The following ZNG1A variants were observed in gnomAD, a reference collection of about 807,000 sequenced individuals.
ZNG1A encodes zinc-regulated GTPase metalloprotein activator 1A.
chr9:176,955 G>C, the ZNG1A span, among the ~76,000 whole-genome samples: 35 of 152,226 alleles, frequency 2.3e-4, no homozygotes, highest in Non-Finnish European at 2.4e-4. Flanking sequence ...CCTTCATAGA[G>C]CTTAGAAATA....
chr9:135,181 C>T, the ZNG1A span: 6 of 1,469,242 alleles, frequency 4.1e-6, no homozygotes, highest in African/African-American at 5.9e-5. Flanking sequence ...TCGCAAATTC[C>T]AATAGAGAAA....
At chr9:149,740 A>T in the ZNG1A span, among the ~76,000 whole-genome samples, 3 of 150,262 alleles carry the variant, frequency 2.0e-5, no homozygotes, top group African/African-American at 7.5e-5. Context: ...TGTCAAATTA[A>T]TTTAACTTAT....
the ZNG1A span, among the ~76,000 whole-genome samples, chr9:173,873 G>A: frequency 1.3e-5 from 2 of 152,114 alleles, no homozygotes; most frequent in South Asian, 2.1e-4. Flanking sequence ...TTTGGCCAGT[G>A]TACCACGTGC....
At chr9:141,848 T>A in the ZNG1A span, among the ~76,000 whole-genome samples, 1 of 152,086 alleles carries the variant, frequency 6.6e-6, no homozygotes, top group Admixed American at 6.5e-5. Flanking sequence ...TGGAGGAAAA[T>A]CTACCAAGCA....
the ZNG1A span, chr9:150,667 G>C: frequency 1.0e-6 from 1 of 982,462 alleles, no homozygotes; most frequent in South Asian, 4.8e-5. Flanking sequence ...GAAGATTTTA[G>C]TCACTTGCTC....
the ZNG1A span, among the ~76,000 whole-genome samples, chr9:171,093 T>G: frequency 1.4e-4 from 21 of 151,900 alleles, no homozygotes; most frequent in Non-Finnish European, 2.6e-4. Flanking sequence ...ATCAGTCAGA[T>G]TTATCAGAAA....
the ZNG1A span, among the ~76,000 whole-genome samples, chr9:174,573 G>A: frequency 6.6e-6 from 1 of 151,476 alleles, no homozygotes; most frequent in South Asian, 2.1e-4. Flanking sequence ...ATAAGATGAT[G>A]AAAAAAACAG....
At chr9:169,222 A>T in the ZNG1A span, among the ~76,000 whole-genome samples, 9 of 151,872 alleles carry the variant, frequency 5.9e-5, no homozygotes, top group African/African-American at 2.2e-4. Flanking sequence ...GCCCTCACAG[A>T]TGACTTTGAG....
chr9:154,666 C>T, the ZNG1A span: 3 of 1,419,430 alleles, frequency 2.1e-6, no homozygotes, highest in African/African-American at 1.4e-5. Flanking sequence ...TCTGTGTATA[C>T]AACATGGATC....
At chr9:159,394 G>C in the ZNG1A span, among the ~76,000 whole-genome samples, 3 of 151,204 alleles carry the variant, frequency 2.0e-5, no homozygotes, top group East Asian at 5.8e-4. Flanking sequence ...TAATTCTATT[G>C]TATACTTGAA....
At chr9:156,200 A>G in the ZNG1A span, among the ~76,000 whole-genome samples, 1 of 147,662 alleles carries the variant, frequency 6.8e-6, no homozygotes, top group Non-Finnish European at 1.5e-5. Flanking sequence ...AAATTGTATA[A>G]CAAGAAAATA....
the ZNG1A span, among the ~76,000 whole-genome samples, chr9:177,403 G>A: frequency 6.6e-6 from 1 of 151,912 alleles, no homozygotes; most frequent in Non-Finnish European, 1.5e-5. Context: ...GATCACAGAA[G>A]CAGGATTTGG....
At chr9:168,907 A>G in the ZNG1A span, among the ~76,000 whole-genome samples, 1 of 152,096 alleles carries the variant, frequency 6.6e-6, no homozygotes, top group Admixed American at 6.5e-5. Flanking sequence ...CTCATTGACA[A>G]CGCACCTGAT....
the ZNG1A span, among the ~76,000 whole-genome samples, chr9:176,145 A>T: frequency 1.4e-5 from 2 of 142,112 alleles, no homozygotes; most frequent in African/African-American, 5.4e-5. Flanking sequence ...TATGCTTTAA[A>T]CAATCTATAA....
the ZNG1A span, among the ~76,000 whole-genome samples, chr9:156,149 T>TTATATATATATATATATA: frequency 1.5e-5 from 1 of 65,910 alleles, no homozygotes. Context: ...ATTATTATTA[T>TTATATATATATATATATA]TATACATATA....
At chr9:174,935 T>C in the ZNG1A span, among the ~76,000 whole-genome samples, 2 of 150,982 alleles carry the variant, frequency 1.3e-5, no homozygotes, top group Non-Finnish European at 1.5e-5. Flanking sequence ...ATAAAGACCA[T>C]ATGTTTACCT....
chr9:156,656 A>G, the ZNG1A span: 1 of 1,047,054 alleles, frequency 9.6e-7, no homozygotes, highest in Non-Finnish European at 1.4e-6. Flanking sequence ...CTTACTGAAT[A>G]CATAAATCCA....
chr9:125,190 G>C, the ZNG1A span, among the ~76,000 whole-genome samples: 1 of 151,304 alleles, frequency 6.6e-6, no homozygotes, highest in Admixed American at 6.6e-5. Context: ...GAAGTGTTCC[G>C]TGTTCACCAC....
At chr9:161,161 A>C in the ZNG1A span, among the ~76,000 whole-genome samples, 171 of 152,326 alleles carry the variant, frequency 1.1e-3, 1 homozygote, top group Non-Finnish European at 2.1e-3. Context: ...GGGGAAAAAA[A>C]GCAAACTTAA....
Sources: gnomAD v4.1 joint callset for allele counts (sites outside exome capture counted in the v4.1 genomes callset) on GRCh38, gnomAD v4.1.1 for gene constraint, MANE v1.5 for transcripts, NCBI Gene and HGNC (gene_info 2026-07-23, HGNC 2026-07-21) for gene names.